Variants in ADAMTSL1 observed in about 807,000 individuals in gnomAD.
ADAMTSL1 encodes the protein ADAMTS-like protein 1.
A neutral mutation model predicts 201.8 loss-of-function variants in ADAMTSL1; 126 were observed. That is an observed-to-expected ratio of 0.62 (90% CI 0.54 to 0.72). The LOEUF (loss-of-function observed/expected upper bound fraction) is 0.72. ADAMTSL1 is among the 30% of genes least tolerant of loss of function. The pLI is 0.00. For missense variants in ADAMTSL1, 2,679 were observed against 2,277.8 expected (o/e 1.18, Z -3.59); for synonymous variants, 1,121 against 903.4 (o/e 1.24, Z -4.32).
At chr9:18,885,659 C>T (rs1295296917) in intron 23 of ADAMTSL1, among the ~76,000 whole-genome samples, 1 of 152,126 alleles carries the variant, frequency 6.6e-6, no homozygotes, top group Non-Finnish European at 1.5e-5. Context: ...ACTGAGCTTC[C>T]AGGGGTCCAT....
At chr9:18,271,491 C>G (rs924706380) in intron 2 of ADAMTSL1, among the ~76,000 whole-genome samples, 1 of 152,152 alleles carries the variant, frequency 6.6e-6, no homozygotes, top group Non-Finnish European at 1.5e-5. Context: ...CATGTCCCTA[C>G]AAAGGACATG....
chr9:18,740,720 G>A (rs1818781845), intron 15 of ADAMTSL1, among the ~76,000 whole-genome samples: 2 of 151,882 alleles, frequency 1.3e-5, no homozygotes, highest in Non-Finnish European at 1.5e-5. Flanking sequence ...CAGATGATCT[G>A]CCCACCTTGG....
At chr9:18,884,912 C>A (rs1484848488) in intron 23 of ADAMTSL1, among the ~76,000 whole-genome samples, 2 of 152,126 alleles carry the variant, frequency 1.3e-5, no homozygotes, top group Non-Finnish European at 2.9e-5. Flanking sequence ...ATGAGATTCT[C>A]TATTTGCAAA....
intron 2 of ADAMTSL1, among the ~76,000 whole-genome samples, chr9:18,229,063 C>G (rs1830544396): frequency 6.6e-6 from 1 of 151,952 alleles, no homozygotes. Context: ...TTATATAGCA[C>G]CATATTTGCA....
At chr9:18,087,340 A>G (rs941430665) in intron 1 of ADAMTSL1, among the ~76,000 whole-genome samples, 2 of 152,168 alleles carry the variant, frequency 1.3e-5, no homozygotes, top group Non-Finnish European at 2.9e-5. Context: ...TCATTTTTAA[A>G]GCAATTAAGT....
intron 7 of ADAMTSL1, among the ~76,000 whole-genome samples, chr9:18,640,579 C>T (rs1035552957): frequency 6.6e-6 from 1 of 152,034 alleles, no homozygotes; most frequent in Non-Finnish European, 1.5e-5. Flanking sequence ...CACATCACTG[C>T]TTGAATAACC....
At chr9:17,973,020 T>A (rs1818278402) in intron 1 of ADAMTSL1, among the ~76,000 whole-genome samples, 1 of 80,872 alleles carries the variant, frequency 1.2e-5, no homozygotes, top group South Asian at 3.6e-4. Context: ...TGTTTGTTTT[T>A]TTCTTGTAAA....
intron 2 of ADAMTSL1, among the ~76,000 whole-genome samples, chr9:18,310,666 C>G (rs180952609): frequency 6.6e-6 from 1 of 152,090 alleles, no homozygotes; most frequent in Non-Finnish European, 1.5e-5. Flanking sequence ...TACCATCTCA[C>G]GCCAGTTAGA....
intron 1 of ADAMTSL1, among the ~76,000 whole-genome samples, chr9:18,009,471 G>A (rs1327766760): frequency 6.6e-6 from 1 of 152,020 alleles, no homozygotes; most frequent in Non-Finnish European, 1.5e-5. Context: ...CTTGCATAGT[G>A]CCTGGTGCAG....
At chr9:18,789,679 A>G (rs991003963) in intron 19 of ADAMTSL1, among the ~76,000 whole-genome samples, 3 of 152,212 alleles carry the variant, frequency 2.0e-5, no homozygotes, top group Admixed American at 6.5e-5. Flanking sequence ...CAACTAGATC[A>G]GGAAACAGAC....
intron 15 of ADAMTSL1, among the ~76,000 whole-genome samples, chr9:18,724,188 G>T (rs1817725364): frequency 6.6e-6 from 1 of 152,216 alleles, no homozygotes; most frequent in African/African-American, 2.4e-5. Context: ...TTGTCTCTGA[G>T]AGGTCACCCC....
intron 20 of ADAMTSL1, among the ~76,000 whole-genome samples, chr9:18,813,343 C>A (rs1490639114): frequency 6.6e-6 from 1 of 152,114 alleles, no homozygotes; most frequent in Non-Finnish European, 1.5e-5. Flanking sequence ...TGAGATTGTT[C>A]TTTCTATTTT....
chr9:18,752,375 C>T (rs186150283), intron 15 of ADAMTSL1, among the ~76,000 whole-genome samples: 21 of 152,188 alleles, frequency 1.4e-4, no homozygotes, highest in African/African-American at 5.1e-4. Context: ...GGACTAGCTA[C>T]TAGAGGATCT....
intron 13 of ADAMTSL1, among the ~76,000 whole-genome samples, chr9:18,687,820 A>G (rs1472271482): frequency 6.6e-6 from 1 of 152,228 alleles, no homozygotes; most frequent in Non-Finnish European, 1.5e-5. Context: ...CAAGAAATAA[A>G]TAACACGTTA....
intron 22 of ADAMTSL1, among the ~76,000 whole-genome samples, chr9:18,828,616 G>T (rs1824745910): frequency 7.9e-6 from 1 of 126,852 alleles, no homozygotes; most frequent in Non-Finnish European, 1.6e-5. Context: ...CAGGCATGAT[G>T]TTTTTCTCTA....
intron 23 of ADAMTSL1, among the ~76,000 whole-genome samples, chr9:18,831,775 T>G (rs979589576): frequency 6.6e-6 from 1 of 152,164 alleles, no homozygotes; most frequent in Admixed American, 6.5e-5. Flanking sequence ...CCAAATGAAC[T>G]TGAATGGTGA....
At chr9:18,671,289 G>A (rs1322713830) in intron 9 of ADAMTSL1, among the ~76,000 whole-genome samples, 1 of 152,192 alleles carries the variant, frequency 6.6e-6, no homozygotes, top group Admixed American at 6.5e-5. Context: ...TTTAGGAGAA[G>A]TAGCATTTGA....
chr9:18,637,013 C>T (rs1698952330), intron 6 of ADAMTSL1, among the ~76,000 whole-genome samples: 2 of 151,978 alleles, frequency 1.3e-5, no homozygotes. Flanking sequence ...AAGAGGAAGA[C>T]AAATTGAAGC....
chr9:18,204,048 G>A (rs925918342), intron 2 of ADAMTSL1, among the ~76,000 whole-genome samples: 3 of 152,114 alleles, frequency 2.0e-5, no homozygotes, highest in Admixed American at 6.6e-5. Flanking sequence ...TATCACCTCC[G>A]ATTCTCTTCT....
Sources: gnomAD v4.1 joint callset for allele counts (sites outside exome capture counted in the v4.1 genomes callset) on GRCh38, gnomAD v4.1.1 for gene constraint, MANE v1.5 for transcripts, NCBI Gene and HGNC (gene_info 2026-07-23, HGNC 2026-07-21) for gene names.